BPIFB3: variants seen among roughly 807,000 people sequenced by gnomAD.
BPIFB3 encodes BPI fold-containing family B member 3.
A neutral mutation model predicts 53.1 loss-of-function variants in BPIFB3; 49 were observed. That is an observed-to-expected ratio of 0.92 (90% CI 0.73 to 1.17). The LOEUF (loss-of-function observed/expected upper bound fraction) is 1.17. Ranked by LOEUF, BPIFB3 falls within the 50% of genes most tolerant of loss-of-function variation. BPIFB3 has a pLI of 0.00. For missense variants in BPIFB3, 628 were observed against 592.5 expected (o/e 1.06, Z -0.62); for synonymous variants, 271 against 269.6 (o/e 1.01, Z -0.05).
intron 2 of BPIFB3, among the ~76,000 whole-genome samples, chr20:33,058,323 G>A (rs1404656670): frequency 1.3e-5 from 2 of 152,158 alleles, no homozygotes; most frequent in African/African-American, 2.4e-5. Context: ...CTCGAGGTTC[G>A]CTGTGTGTCA....
At chr20:33,062,306 G>A (rs372054) in intron 5 of BPIFB3, among the ~76,000 whole-genome samples, 1 of 151,936 alleles carries the variant, frequency 6.6e-6, no homozygotes, top group Non-Finnish European at 1.5e-5. Flanking sequence ...CTGCACTCGA[G>A]AGAGCTGGTC....
exon 1 of BPIFB3, chr20:33,055,458 T>C (rs749743501): frequency 1.1e-5 from 17 of 1,613,668 alleles, no homozygotes; most frequent in Non-Finnish European, 1.3e-5. Flanking sequence ...TGGTCCCTGC[T>C]TCTGCTCTGG....
intron 11 of BPIFB3, 94 bp downstream of exon 12, chr20:33,070,049 G>C: frequency 7.0e-7 from 1 of 1,424,538 alleles, no homozygotes; most frequent in Non-Finnish European, 9.9e-7. Flanking sequence ...TTGAGCATCA[G>C]CGCAATTCCA....
chr20:33,069,027 G>A (rs1980780405), intron 10 of BPIFB3, 54 bp downstream of exon 11: 2 of 1,575,638 alleles, frequency 1.3e-6, no homozygotes, highest in African/African-American at 1.3e-5. Context: ...AAATGGGGGT[G>A]ACTGTCTCCA....
intron 8 of BPIFB3, among the ~76,000 whole-genome samples, chr20:33,066,621 T>C (rs1980680900): frequency 6.6e-6 from 1 of 152,220 alleles, no homozygotes; most frequent in African/African-American, 2.4e-5. Flanking sequence ...AGCAAAGGCG[T>C]GCAGAGCCCC....
At chr20:33,063,804 A>T in intron 6 of BPIFB3, 129 bp downstream of exon 7, 1 of 934,822 alleles carries the variant, frequency 1.1e-6, no homozygotes, top group Non-Finnish European at 1.6e-6. Context: ...CCTCACACTG[A>T]CAGGCTGCCC....
At chr20:33,055,851 T>G (rs1980180327) in intron 1 of BPIFB3, among the ~76,000 whole-genome samples, 1 of 152,100 alleles carries the variant, frequency 6.6e-6, no homozygotes, top group Non-Finnish European at 1.5e-5. Flanking sequence ...GGGTGCTAGC[T>G]GGGCCAGTGT....
exon 10 of BPIFB3, chr20:33,068,900 C>G (rs577396258): frequency 6.2e-7 from 1 of 1,614,086 alleles, no homozygotes; most frequent in Non-Finnish European, 8.5e-7. Context: ...GCCTTGGTCT[C>G]CCTCCCAGCC....
intron 9 of BPIFB3, among the ~76,000 whole-genome samples, 168 bp from the exon 11 acceptor site, chr20:33,068,635 C>T (rs1017566643): frequency 6.6e-6 from 1 of 152,194 alleles, no homozygotes; most frequent in Non-Finnish European, 1.5e-5. Flanking sequence ...TGTCTCCACA[C>T]CTGAGTGTCA....
intron 12 of BPIFB3, among the ~76,000 whole-genome samples, 173 bp downstream of exon 13, chr20:33,071,468 CA>C (rs1487004601): frequency 6.6e-6 from 1 of 151,852 alleles, no homozygotes; most frequent in Non-Finnish European, 1.5e-5. Context: ...TGAGAGAGAG[CA>C]GGGGGTGTGG....
intron 3 of BPIFB3, 68 bp downstream of exon 4, chr20:33,059,550 T>G: frequency 1.7e-6 from 2 of 1,143,998 alleles, no homozygotes; most frequent in Non-Finnish European, 2.6e-6. Context: ...TGGAGACTCC[T>G]ACTCTGCTGT....
intron 5 of BPIFB3, among the ~76,000 whole-genome samples, chr20:33,062,588 C>T (rs1980504760): frequency 2.0e-5 from 3 of 152,240 alleles, no homozygotes; most frequent in African/African-American, 7.2e-5. Context: ...ATTTCAACGG[C>T]AGCCCCTAAC....
At chr20:33,059,429 G>A (rs758510617) in exon 3 of BPIFB3, 26 of 1,612,900 alleles carry the variant, frequency 1.6e-5, no homozygotes, top group African/African-American at 1.2e-4. Flanking sequence ...AGCTGCTGCC[G>A]GGATTTGGGG....
At position 33,064,195 on chromosome 20, in the gene BPIFB3, A is replaced by G. The variant is rs903916395; in HGVS notation, c.653-262A>G. ...ATGGGTGGTGTTATGTAAGAGAGGC[A>G]GGGTAGCAGTGTGTTAGTGGCATCA... On this transcript the variant is annotated intron_variant, in intron 6 of 14. Transcript: ENST00000375494. 2.0e-5 allele frequency among the ~76,000 whole-genome samples: 3 copies of G among 152,216 alleles called. No homozygotes were observed. In the East Asian group the frequency reaches 5.8e-4, roughly 29 times the overall value.
At chr20:33,057,993 G>T (rs1980291321) in intron 2 of BPIFB3, among the ~76,000 whole-genome samples, 1 of 152,192 alleles carries the variant, frequency 6.6e-6, no homozygotes, top group Non-Finnish European at 1.5e-5. Flanking sequence ...GCATTTAACA[G>T]GTGAGGAGAT....
chr20:33,056,435 AT>A, intron 1 of BPIFB3, 106 bp from the exon 3 acceptor site: 1 of 1,420,092 alleles, frequency 7.0e-7, no homozygotes, highest in Admixed American at 1.9e-5. Context: ...GGTTAATTCC[AT>A]TTTTAAAAAG....
At chr20:33,064,053 A>G (rs1980562001) in intron 6 of BPIFB3, among the ~76,000 whole-genome samples, 1 of 152,230 alleles carries the variant, frequency 6.6e-6, no homozygotes, top group African/African-American at 2.4e-5. Context: ...AGCAGACCCC[A>G]GTCTCTCTGT....
intron 9 of BPIFB3, among the ~76,000 whole-genome samples, chr20:33,068,542 G>A (rs1019030187): frequency 6.6e-6 from 1 of 152,204 alleles, no homozygotes; most frequent in African/African-American, 2.4e-5. Flanking sequence ...GGCAGGGGAT[G>A]GAGGACACAG....
rs746503070 is a variant in BPIFB3 at position 33,064,711 on chromosome 20, TC to T, written c.793del (p.Arg265ValfsTer16). On this transcript the variant is annotated frameshift_variant, in exon 8 of 15. Coordinates refer to ENST00000375494, the Ensembl canonical transcript of BPIFB3. LOFTEE classifies it high-confidence loss of function. The stretch of plus-strand genomic sequence containing the variant: ...TGGTGATATCATTGACTTCCCCAAG[TC>T]CCGTGCCCCAGCCAAGGTGCCCCCC... 1 of 1,614,032 alleles carries T rather than the reference TC, an allele frequency of 6.2e-7. No individual in the cohort carries two copies. The highest frequency in any genetic ancestry group is 1.7e-5 in the Admixed American group (1 of 60,010).
Sources: gnomAD v4.1 joint callset for allele counts (sites outside exome capture counted in the v4.1 genomes callset) on GRCh38, gnomAD v4.1.1 for gene constraint, MANE v1.5 for transcripts, NCBI Gene and HGNC (gene_info 2026-07-23, HGNC 2026-07-21) for gene names.